SOX5: variants seen among roughly 807,000 people sequenced by gnomAD.
The protein encoded by SOX5 is SRY-box transcription factor 5.
SOX5 carries 9 observed loss-of-function variants against 92.0 expected under a neutral mutation model. That is an observed-to-expected ratio of 0.10 (90% CI 0.06 to 0.17). The LOEUF is 0.17. Among genes scored for constraint, SOX5 ranks in the 10% least tolerant of loss-of-function variants. The pLI is 1.00. For synonymous variants in SOX5, 344 were observed against 336.3 expected, an observed-to-expected ratio of 1.02 and a Z score of -0.25; for missense variants, 642 against 944.5, an observed-to-expected ratio of 0.68 and a Z score of 4.20.
chr12:24,540,084 T>A (rs1191379458), intron 1 of SOX5, among the ~76,000 whole-genome samples: 1 of 152,098 alleles, frequency 6.6e-6, no homozygotes, highest in Admixed American at 6.6e-5. Flanking sequence ...TGAATACACA[T>A]ACTTACAGAT....
chr12:23,640,888 T>C lies in SOX5; in HGVS notation c.941A>G (p.Tyr314Cys). Residue 314 changes from tyrosine to cysteine, a missense_variant, in exon 8 of 15, where the codon TAC (tyrosine) becomes TGC (cysteine). Coordinates refer to ENST00000451604, the MANE Select transcript of SOX5 (RefSeq NM_006940.6). The stretch of plus-strand genomic sequence containing the variant: ...GGTAGTTGGGATCAGCTGAACAGGG[T>C]AAGGGTCACCTAAGTAAGAGAATAA... ...FSYKAGCSDP[Y>C]PVQLIPTTMA... The C allele has an allele frequency of 6.2e-7, 1 of 1,612,728 alleles. No individual in the cohort carries two copies.
chr12:24,294,543 A>G (rs908181967), intron 2 of SOX5, among the ~76,000 whole-genome samples: 1 of 152,172 alleles, frequency 6.6e-6, no homozygotes, highest in Non-Finnish European at 1.5e-5. Flanking sequence ...TCTGAGAAGC[A>G]CCGCCCCTTC....
chr12:24,246,014 C>G (rs922410035), intron 3 of SOX5, among the ~76,000 whole-genome samples: 2 of 152,148 alleles, frequency 1.3e-5, no homozygotes, highest in African/African-American at 4.8e-5. Flanking sequence ...TTCTGCTAAA[C>G]ACCAATATCA....
At chr12:23,764,541 C>T (rs576064795) in intron 3 of SOX5, among the ~76,000 whole-genome samples, 96 of 152,016 alleles carry the variant, frequency 6.3e-4, no homozygotes, top group African/African-American at 2.2e-3. Context: ...TTATATATGC[C>T]TACTGATATA....
chr12:24,051,841 C>T (rs764393540), intron 4 of SOX5, among the ~76,000 whole-genome samples: 1 of 152,226 alleles, frequency 6.6e-6, no homozygotes, highest in Non-Finnish European at 1.5e-5. Context: ...GACATGTTTA[C>T]TGTCTCTTCT....
chr12:24,063,062 A>T (rs1391364474), intron 4 of SOX5, among the ~76,000 whole-genome samples: 1 of 152,218 alleles, frequency 6.6e-6, no homozygotes, highest in Non-Finnish European at 1.5e-5. Context: ...ACATGAAATC[A>T]TTCATAATTC....
chr12:24,089,424 C>T (rs1944386439), intron 4 of SOX5, among the ~76,000 whole-genome samples: 1 of 151,972 alleles, frequency 6.6e-6, no homozygotes, highest in South Asian at 2.1e-4. Context: ...TAATGCCCTG[C>T]CATTCTAAAG....
At chr12:23,536,316 A>G (rs1388516360) in intron 14 of SOX5, 137 bp downstream of exon 14, 6 of 675,164 alleles carry the variant, frequency 8.9e-6, no homozygotes, top group Non-Finnish European at 1.3e-5. Flanking sequence ...CATGTGGGAG[A>G]CTATTTGTCT....
chr12:23,867,301 C>T (rs1595187194), intron 2 of SOX5, among the ~76,000 whole-genome samples: 1 of 152,124 alleles, frequency 6.6e-6, no homozygotes, highest in East Asian at 1.9e-4. Flanking sequence ...AATTCTGTCA[C>T]ACAAACCTGT....
At chr12:24,323,219 A>C (rs2136021) in intron 2 of SOX5, among the ~76,000 whole-genome samples, 35,538 of 151,710 alleles carry the variant, frequency 0.23, 4,670 homozygotes, top group East Asian at 0.57. Context: ...AAATTATTCA[A>C]ATAAATGATT....
At chr12:23,667,951 A>G (rs763031410) in intron 6 of SOX5, among the ~76,000 whole-genome samples, 15 of 152,172 alleles carry the variant, frequency 9.9e-5, no homozygotes, top group Non-Finnish European at 2.1e-4. Context: ...AAATTTGCCT[A>G]TTGGCTGAAA....
chr12:23,799,739 A>T (rs915663701), intron 3 of SOX5, among the ~76,000 whole-genome samples: 3 of 152,066 alleles, frequency 2.0e-5, no homozygotes, highest in Non-Finnish European at 2.9e-5. Context: ...ATTAATACTA[A>T]CAAAATTTAT....
intron 4 of SOX5, among the ~76,000 whole-genome samples, chr12:23,743,830 A>T (rs74816720): frequency 6.6e-6 from 1 of 152,162 alleles, no homozygotes; most frequent in South Asian, 2.1e-4. Flanking sequence ...AAGTCTGCAT[A>T]TAAGTGGACC....
intron 3 of SOX5, among the ~76,000 whole-genome samples, chr12:23,838,341 C>G (rs2096462126): frequency 6.6e-6 from 1 of 151,046 alleles, no homozygotes; most frequent in Non-Finnish European, 1.5e-5. Flanking sequence ...ACATAAATTA[C>G]TCCTTGATGC....
chr12:23,547,315 C>T (rs986366529), intron 11 of SOX5, among the ~76,000 whole-genome samples: 8 of 152,022 alleles, frequency 5.3e-5, no homozygotes, highest in Non-Finnish European at 8.8e-5. Flanking sequence ...CAAACAGCAC[C>T]AAAACAGTTT....
intron 3 of SOX5, among the ~76,000 whole-genome samples, chr12:23,776,896 T>C (rs1416720478): frequency 6.6e-6 from 1 of 152,164 alleles, no homozygotes; most frequent in Non-Finnish European, 1.5e-5. Flanking sequence ...GGTCCAGGGG[T>C]TGGGGACCCC....
chr12:24,126,870 C>T (rs1013038982), intron 4 of SOX5, among the ~76,000 whole-genome samples: 1 of 152,076 alleles, frequency 6.6e-6, no homozygotes, highest in African/African-American at 2.4e-5. Context: ...CAAATGTCTC[C>T]CTATATGGAA....
At chr12:24,450,658 C>T (rs1942158690) in intron 1 of SOX5, among the ~76,000 whole-genome samples, 1 of 151,892 alleles carries the variant, frequency 6.6e-6, no homozygotes, top group Non-Finnish European at 1.5e-5. Context: ...CCACACCTGG[C>T]TTTTTGTATT....
intron 3 of SOX5, among the ~76,000 whole-genome samples, chr12:23,760,615 C>A (rs1303784038): frequency 4.3e-4 from 1 of 2,328 alleles, no homozygotes; most frequent in African/African-American, 4.9e-4. Flanking sequence ...AGTGAATGGC[C>A]CCCCCCAACT....
Sources: gnomAD v4.1 joint callset for allele counts (sites outside exome capture counted in the v4.1 genomes callset) on GRCh38, gnomAD v4.1.1 for gene constraint, MANE v1.5 for transcripts, NCBI Gene and HGNC (gene_info 2026-07-23, HGNC 2026-07-21) for gene names.